The following WDSUB1 variants were observed in gnomAD, a reference collection of about 807,000 sequenced individuals.
WDSUB1 encodes the protein WD repeat, sterile alpha motif and U-box domain containing 1.
Under a neutral mutation model 53.9 loss-of-function variants are expected in WDSUB1, and 49 were observed. That is an observed-to-expected ratio of 0.91 (90% CI 0.72 to 1.15). The LOEUF (loss-of-function observed/expected upper bound fraction) is 1.15, where lower values mean the gene tolerates loss of function less well. WDSUB1 is among the 50% of genes most tolerant of loss of function. The probability of loss-of-function intolerance (pLI) is 0.00; values close to 1 mark genes in which losing one functional copy is unlikely to be tolerated. For synonymous variants in WDSUB1, 194 were observed against 200.6 expected, an observed-to-expected ratio of 0.97 and a Z score of 0.28; for missense variants, 514 against 562.0, an observed-to-expected ratio of 0.91 and a Z score of 0.86.
intron 2 of WDSUB1, among the ~76,000 whole-genome samples, chr2:159,280,708 A>AAAAAAAAAAAAAAAACAAAAC (rs111752652): frequency 1.7e-4 from 23 of 134,362 alleles, no homozygotes; most frequent in African/African-American, 7.1e-4. Context: ...AAAAAAAAAA[A>AAAAAAAAAAAAAAAACAAAAC]ATTACCCAGA....
chr2:159,257,868 G>C lies in WDSUB1; in HGVS notation c.846-4C>G, dbSNP rs777217037. The C allele has an allele frequency of 1.9e-6, 3 of 1,613,216 alleles. No homozygotes were observed. The highest frequency in any genetic ancestry group is 2.5e-6 in the Non-Finnish European group (3 of 1,179,196). On this transcript the variant is annotated splice_polypyrimidine_tract_variant and splice_region_variant and intron_variant, in intron 7 of 10. Coordinates refer to ENST00000359774, the MANE Select transcript of WDSUB1 (RefSeq NM_001128212.3). ...AAAAGCACAAGTTGTGACATACCTA[G>C]TTAATAAAAACAACTATTATGTATC...
chr2:159,270,048 C>T (rs1042421724), intron 5 of WDSUB1, among the ~76,000 whole-genome samples: 1 of 152,154 alleles, frequency 6.6e-6, no homozygotes, highest in Non-Finnish European at 1.5e-5. Context: ...AGGAACAAAA[C>T]CATCATTATC....
At chr2:159,265,120 C>CA (rs1412761195) in intron 5 of WDSUB1, among the ~76,000 whole-genome samples, 1 of 146,618 alleles carries the variant, frequency 6.8e-6, no homozygotes. Flanking sequence ...ACAACAACAA[C>CA]AACAAAAAAA....
At chr2:159,268,955 A>G (rs190426565) in intron 5 of WDSUB1, among the ~76,000 whole-genome samples, 6 of 152,274 alleles carry the variant, frequency 3.9e-5, no homozygotes, top group Non-Finnish European at 8.8e-5. Flanking sequence ...AGGGAAAACC[A>G]TCCAGAATGA....
In WDSUB1 at chr2:159,286,593, G is replaced by C. The variant is rs984583684; in HGVS notation, c.-35C>G. On this transcript the variant is annotated 5_prime_UTR_variant, in exon 1 of 11. Transcript: ENST00000359774. ...CGCGGCCGCTCTCACCTGCAGGAGC[G>C]GGGGCGCGCGGGATCCGCCTTCAAG... The C allele has an allele frequency of 1.4e-4, 21 of 152,174 alleles. No homozygotes were observed. The highest frequency in any genetic ancestry group is 9.7e-4 in the East Asian group (5 of 5,180). The allele number at this position is 152,174 out of a possible 1,614,324, so 9.4% of individuals were successfully genotyped here. A position where few individuals can be genotyped will look rare whatever the true frequency, so the allele number is the denominator to read the frequency against.
At chr2:159,266,767 G>C (rs1460818534) in intron 5 of WDSUB1, among the ~76,000 whole-genome samples, 1 of 151,704 alleles carries the variant, frequency 6.6e-6, no homozygotes, top group African/African-American at 2.4e-5. Flanking sequence ...AGGTTCTCAG[G>C]GGTTTTTTTG....
At chr2:159,242,475 A>G (rs2060681286) in intron 10 of WDSUB1, among the ~76,000 whole-genome samples, 1 of 146,824 alleles carries the variant, frequency 6.8e-6, no homozygotes, top group South Asian at 2.1e-4. Flanking sequence ...ATCCTGGCTA[A>G]CAAGGTGAAA....
intron 1 of WDSUB1, among the ~76,000 whole-genome samples, chr2:159,285,280 C>T (rs765224129): frequency 5.9e-5 from 9 of 152,072 alleles, no homozygotes; most frequent in Non-Finnish European, 1.0e-4. Flanking sequence ...TATACACACA[C>T]AGAAACATAA....
intron 2 of WDSUB1, among the ~76,000 whole-genome samples, chr2:159,280,306 AG>A (rs1343021307): frequency 6.6e-6 from 1 of 152,208 alleles, no homozygotes; most frequent in Non-Finnish European, 1.5e-5. Flanking sequence ...CATCAACTAC[AG>A]CCATATTTTT....
intron 4 of WDSUB1, among the ~76,000 whole-genome samples, chr2:159,273,593 G>A (rs1021559092): frequency 1.3e-5 from 2 of 151,836 alleles, no homozygotes; most frequent in African/African-American, 4.8e-5. Context: ...GCTAATTTTT[G>A]TATTTTTGTC....
At chr2:159,258,046 A>C in intron 6 of WDSUB1, 61 bp from the exon 7 acceptor site, 1 of 1,461,650 alleles carries the variant, frequency 6.8e-7, no homozygotes, top group Non-Finnish European at 9.6e-7. Context: ...ACTGATGAAG[A>C]CTCATTTGAC....
In WDSUB1 at chr2:159,275,554, T is replaced by C. The variant is rs753048108; in HGVS notation, c.668A>G (p.His223Arg). The change falls in exon 4 of 11, where the codon CAT becomes CGT. Residue 223 changes from histidine to arginine, a missense_variant. Physicochemically the swap from His to Arg is conservative, Grantham distance 29. Coordinates refer to ENST00000359774, the MANE Select transcript of WDSUB1 (RefSeq NM_001128212.3). ...CTATTTGGCATACATACCTAAGATA[T>C]GGGTAAAAGAAACAATCCAAATTTT... ...QVKIWIVSFT[H>R]ILGFELKYKS... The C allele has an allele frequency of 5.0e-6, 8 of 1,598,124 alleles. No homozygotes were observed. In the Admixed American group the frequency reaches 7.1e-5, roughly 14 times the overall value.
chr2:159,283,475 G>A (rs1427127505), intron 1 of WDSUB1, among the ~76,000 whole-genome samples: 4 of 152,192 alleles, frequency 2.6e-5, no homozygotes, highest in East Asian at 1.9e-4. Flanking sequence ...GGGAGGCTGA[G>A]GCAGAAGAAT....
At chr2:159,256,487 A>G (rs1307651069) in intron 8 of WDSUB1, 112 bp from the exon 9 acceptor site, 10 of 1,122,796 alleles carry the variant, frequency 8.9e-6, no homozygotes, top group African/African-American at 3.2e-5. Flanking sequence ...TTTTATAGCT[A>G]GGTACAGTGG....
chr2:159,271,515 T>C (rs768313641), intron 5 of WDSUB1, among the ~76,000 whole-genome samples, 187 bp downstream of exon 5: 1 of 151,546 alleles, frequency 6.6e-6, no homozygotes, highest in Non-Finnish European at 1.5e-5. Context: ...GTGCATATGA[T>C]CTAACATGTT....
At chr2:159,269,582 T>C (rs1235805698) in intron 5 of WDSUB1, among the ~76,000 whole-genome samples, 2 of 152,188 alleles carry the variant, frequency 1.3e-5, no homozygotes, top group East Asian at 1.9e-4. Flanking sequence ...GAAAATTTCA[T>C]GAGCAGCCAG....
chr2:159,267,605 T>G (rs1558864364), intron 5 of WDSUB1, among the ~76,000 whole-genome samples: 1 of 152,162 alleles, frequency 6.6e-6, no homozygotes, highest in South Asian at 2.1e-4. Flanking sequence ...CACCCAGCCC[T>G]TAGTACACAA....
chr2:159,240,211 C>A (rs1263183892), intron 10 of WDSUB1, among the ~76,000 whole-genome samples: 2 of 151,542 alleles, frequency 1.3e-5, no homozygotes, highest in Non-Finnish European at 2.9e-5. Context: ...CCATCCTCTA[C>A]ATATTTGTGC....
chr2:159,261,794 T>C (rs940577720), intron 5 of WDSUB1, among the ~76,000 whole-genome samples: 4 of 139,804 alleles, frequency 2.9e-5, no homozygotes, highest in African/African-American at 1.1e-4. Context: ...ATGTTAAATA[T>C]TACTTTTCAA....
Sources: allele counts gnomAD v4.1 joint callset (sites outside exome capture counted in the v4.1 genomes callset), GRCh38; gene constraint gnomAD v4.1.1; transcripts MANE v1.5; gene names NCBI Gene and HGNC (gene_info 2026-07-23, HGNC 2026-07-21).